Variants in NGEF observed in about 807,000 individuals in gnomAD.
The protein encoded by NGEF is ephexin-1.
A neutral mutation model predicts 80.9 loss-of-function variants in NGEF; 31 were observed. The ratio of observed to expected loss-of-function variants is 0.38; its 90% confidence interval spans 0.29 to 0.52. NGEF has a LOEUF of 0.52. Ranked by LOEUF, NGEF falls within the 20% of genes least tolerant of loss-of-function variation. The pLI is 0.84. For synonymous variants in NGEF, 371 were observed against 370.2 expected (o/e 1.00, Z -0.03); for missense variants, 709 against 926.2 (o/e 0.77, Z 3.04).
At chr2:232,895,686 G>A (rs550863405) in intron 5 of NGEF, among the ~76,000 whole-genome samples, 1 of 152,318 alleles carries the variant, frequency 6.6e-6, no homozygotes, top group African/African-American at 2.4e-5. Flanking sequence ...AAACCGGCCA[G>A]TGTCAAGCAC....
intron 13 of NGEF, among the ~76,000 whole-genome samples, chr2:232,881,873 G>A (rs1325451012): frequency 6.6e-6 from 1 of 152,190 alleles, no homozygotes; most frequent in Admixed American, 6.5e-5. Context: ...CACTGCACCT[G>A]GCTTTTTTCT....
At chr2:232,956,690 G>A (rs1375985885) in intron 3 of NGEF, among the ~76,000 whole-genome samples, 1 of 147,808 alleles carries the variant, frequency 6.8e-6, no homozygotes, top group African/African-American at 2.5e-5. Flanking sequence ...TTGCTCAATC[G>A]CTCAAACCCA....
intron 5 of NGEF, among the ~76,000 whole-genome samples, chr2:232,900,044 ACACACG>A (rs1692256694): frequency 6.7e-6 from 1 of 149,066 alleles, no homozygotes; most frequent in Non-Finnish European, 1.5e-5. Context: ...TCACTCACAC[ACACACG>A]CTCTCACAGT....
chr2:232,900,967 G>C (rs1370742887), intron 5 of NGEF, among the ~76,000 whole-genome samples: 1 of 152,204 alleles, frequency 6.6e-6, no homozygotes, highest in Non-Finnish European at 1.5e-5. Context: ...GCCAGGTCCC[G>C]GAGTTAGGGC....
At chr2:232,947,675 ATC>A (rs1693586979) in intron 3 of NGEF, among the ~76,000 whole-genome samples, 1 of 152,210 alleles carries the variant, frequency 6.6e-6, no homozygotes, top group Admixed American at 6.5e-5. Flanking sequence ...GGTCAACTAA[ATC>A]TCTTTCCTTT....
Position 232,884,216 on chromosome 2 carries a change from C to T in NGEF, c.1438-72G>A, listed in dbSNP as rs533501134. The T allele has an allele frequency of 1.1e-4, 154 of 1,430,720 alleles. No individual in the cohort carries two copies. The East Asian group carries it at 1.6e-3, about 15-fold the overall frequency. The allele number at this position is 1,430,720 out of a possible 1,614,324, so 88.6% of individuals were successfully genotyped here. A position where few individuals can be genotyped will look rare whatever the true frequency, so the allele number is the denominator to read the frequency against. ...TCCCCAGGACATGCCCCCAGGGCTG[C>T]GTCTGTCACATTCCCTGACACCTGC... On this transcript the variant is annotated intron_variant, in intron 10 of 14. Coordinates refer to ENST00000264051, the MANE Select transcript of NGEF (RefSeq NM_019850.3).
intron 1 of NGEF, among the ~76,000 whole-genome samples, chr2:232,981,134 G>A (rs904018981): frequency 1.8e-5 from 2 of 108,806 alleles, no homozygotes; most frequent in Non-Finnish European, 3.9e-5. Context: ...CCCCAGGGCC[G>A]AGGGCCTCCC....
intron 3 of NGEF, among the ~76,000 whole-genome samples, chr2:232,942,904 C>CTTTTTTTTTTTTT (rs60735452): frequency 1.7e-5 from 2 of 117,900 alleles, no homozygotes; most frequent in African/African-American, 3.3e-5. Context: ...AGTGAAATTT[C>CTTTTTTTTTTTTT]TTTTTTTTTT....
chr2:232,933,334 C>T (rs934767015), intron 3 of NGEF, among the ~76,000 whole-genome samples: 2 of 151,962 alleles, frequency 1.3e-5, no homozygotes, highest in African/African-American at 4.8e-5. Flanking sequence ...CCCCAGCTCC[C>T]CTCTCCAGCA....
chr2:232,984,909 T>C (rs1261670709), intron 1 of NGEF, among the ~76,000 whole-genome samples: 3 of 152,170 alleles, frequency 2.0e-5, no homozygotes, highest in Non-Finnish European at 2.9e-5. Flanking sequence ...TATCTGCACA[T>C]AGTGGGTTCT....
At chr2:232,999,007 TC>T (rs1694915590) in intron 1 of NGEF, among the ~76,000 whole-genome samples, 2 of 152,022 alleles carry the variant, frequency 1.3e-5, no homozygotes, top group African/African-American at 4.8e-5. Context: ...ACAGACAGGG[TC>T]TCCTGGTTTG....
At chr2:233,003,272 G>A (rs766860695) in intron 1 of NGEF, among the ~76,000 whole-genome samples, 57 of 152,208 alleles carry the variant, frequency 3.7e-4, no homozygotes, top group Admixed American at 1.0e-3. Context: ...AGGTGGGGCT[G>A]CCCAGTCTCC....
Position 232,891,378 on chromosome 2 carries a change from G to T in NGEF, c.1252C>A (p.Arg418Ser). The T allele has an allele frequency of 6.2e-7, 1 of 1,613,650 alleles. No homozygotes were observed. The change falls in exon 8 of 15, where the codon CGC becomes AGC. Residue 418 changes from arginine (R) to serine (S), a missense_variant. Transcript: ENST00000264051. Reference protein sequence around the residue: ...FLILPFQRITRLKLLVQNILK... With the variant: ...FLILPFQRITSLKLLVQNILK... ...TGTACCTGGACCAACAGCTTGAGGC[G>T]TGTGATCCTCTGGAAAGGCAGGATG...
chr2:232,895,830 G>A (rs1351716109), intron 5 of NGEF, among the ~76,000 whole-genome samples: 1 of 152,214 alleles, frequency 6.6e-6, no homozygotes, highest in Non-Finnish European at 1.5e-5. Context: ...TTGGAAGAGA[G>A]AAAGAAATCC....
Position 232,934,964 on chromosome 2 carries a change from C to T in NGEF, c.384-7778G>A, listed in dbSNP as rs192090187. On this transcript the variant is annotated intron_variant, in intron 3 of 14. Transcript: ENST00000264051. Reference sequence around the variant, plus strand: ...TGAAGGTTGAAGTATGCCAAGATCGCACTACTGCACTCCAGCCTGGGCAAC... The same window carrying T: ...TGAAGGTTGAAGTATGCCAAGATCGTACTACTGCACTCCAGCCTGGGCAAC... Among the ~76,000 whole-genome samples the T allele has an allele frequency of 4.6e-5, 7 of 150,664 alleles. No individual in the cohort carries two copies. The East Asian group carries it at 7.9e-4, about 17-fold the overall frequency.
chr2:232,969,187 T>C (rs2106319790), intron 3 of NGEF, among the ~76,000 whole-genome samples: 1 of 152,324 alleles, frequency 6.6e-6, no homozygotes, highest in South Asian at 2.1e-4. Context: ...TAAGATGTCA[T>C]TTTATGAAAA....
At chr2:233,011,743 T>C (rs529656875) in intron 1 of NGEF, among the ~76,000 whole-genome samples, 65 of 152,184 alleles carry the variant, frequency 4.3e-4, no homozygotes, top group Admixed American at 1.3e-3. Context: ...ATGCATCAGC[T>C]CTTCTTAAAG....
At chr2:232,891,908 C>T (rs1691896167) in intron 7 of NGEF, among the ~76,000 whole-genome samples, 1 of 152,038 alleles carries the variant, frequency 6.6e-6, no homozygotes, top group Admixed American at 6.6e-5. Flanking sequence ...GGCTGGGCCA[C>T]AGCGCTGATG....
chr2:232,912,708 GTTAT>G (rs1340996427), intron 5 of NGEF, among the ~76,000 whole-genome samples: 11 of 152,212 alleles, frequency 7.2e-5, no homozygotes, highest in African/African-American at 2.6e-4. Context: ...GACTATTCAG[GTTAT>G]TTATTTCATT....
Sources: gnomAD v4.1 joint callset for allele counts (sites outside exome capture counted in the v4.1 genomes callset) on GRCh38, gnomAD v4.1.1 for gene constraint, MANE v1.5 for transcripts, NCBI Gene and HGNC (gene_info 2026-07-23, HGNC 2026-07-21) for gene names.